SLC25A26: variants seen among roughly 807,000 people sequenced by gnomAD.
The protein encoded by SLC25A26 is mitochondrial S-adenosylmethionine carrier protein.
In SLC25A26, 36 loss-of-function variants were observed where a neutral mutation model predicts 37.8. That is an observed-to-expected ratio of 0.95 (90% confidence interval 0.73 to 1.26). The LOEUF is 1.26. Ranked by LOEUF, SLC25A26 falls within the 50% of genes most tolerant of loss-of-function variation. The probability of loss-of-function intolerance (pLI) is 0.00; values close to 1 mark genes in which losing one functional copy is unlikely to be tolerated. For missense variants in SLC25A26, 390 were observed against 331.1 expected, an observed-to-expected ratio of 1.18 and a Z score of -1.38; for synonymous variants, 129 against 122.5, an observed-to-expected ratio of 1.05 and a Z score of -0.35.
At chr3:66,182,725 G>T (rs779804111) in intron 1 of SLC25A26, among the ~76,000 whole-genome samples, 1,485 of 139,732 alleles carry the variant, frequency 0.011, 27 homozygotes, top group Non-Finnish European at 0.017. Context: ...GCGGGGGGGG[G>T]GGGTGGGGTA....
At chr3:66,281,381 A>G (rs2074331311) in intron 5 of SLC25A26, among the ~76,000 whole-genome samples, 1 of 152,222 alleles carries the variant, frequency 6.6e-6, no homozygotes, top group Non-Finnish European at 1.5e-5. Flanking sequence ...CCATTCCCCA[A>G]TAAATAGTTT....
At chr3:66,253,240 T>TAA (rs368393312) in intron 3 of SLC25A26, among the ~76,000 whole-genome samples, 1 of 143,126 alleles carries the variant, frequency 7.0e-6, no homozygotes, top group South Asian at 2.2e-4. Context: ...AGCTTGTCTC[T>TAA]AAAAAAAAAA....
intron 3 of SLC25A26, among the ~76,000 whole-genome samples, chr3:66,247,776 C>A (rs2072916127): frequency 6.6e-6 from 1 of 152,274 alleles, no homozygotes; most frequent in South Asian, 2.1e-4. Flanking sequence ...TGCTTATATA[C>A]ATATTACGCC....
In SLC25A26 at chr3:66,377,912, C is replaced by G; in HGVS notation, c.*105C>G. On this transcript the variant is annotated 3_prime_UTR_variant, in exon 10 of 10. Coordinates refer to ENST00000354883, the MANE Select transcript of SLC25A26 (RefSeq NM_001379210.1). ...AACTATAGGCCCCAGTGCTGAAGAC[C>G]AGTTGTGCTAAGATACCGGCATGGA... is the stretch of plus-strand genomic sequence containing the variant. 3.5e-6 allele frequency: 3 copies of G among 856,500 alleles called. No individual in the cohort carries two copies. Among genetic ancestry groups the G allele is most frequent in the South Asian group, 3.0e-5 (2 of 66,232 alleles). 53.1% of individuals were successfully genotyped at this position (856,500 alleles called of 1,614,324 possible).
At chr3:66,299,661 C>T (rs1250262057) in intron 5 of SLC25A26, among the ~76,000 whole-genome samples, 1 of 152,062 alleles carries the variant, frequency 6.6e-6, no homozygotes, top group Non-Finnish European at 1.5e-5. Flanking sequence ...GGTATGTGTG[C>T]ATGAGGTGTG....
At chr3:66,275,850 T>C (rs1375246753) in intron 5 of SLC25A26, among the ~76,000 whole-genome samples, 5 of 152,124 alleles carry the variant, frequency 3.3e-5, no homozygotes, top group East Asian at 1.9e-4. Flanking sequence ...ATAAAACTTA[T>C]GAAGAAGATC....
chr3:66,229,931 A>G (rs975331980), intron 1 of SLC25A26, among the ~76,000 whole-genome samples: 25 of 152,176 alleles, frequency 1.6e-4, no homozygotes, highest in Non-Finnish European at 2.8e-4. Context: ...ATTTCTGGAG[A>G]AGTCCCCCTG....
chr3:66,372,113 GTTC>G (rs1700378774), intron 9 of SLC25A26, among the ~76,000 whole-genome samples: 2 of 152,240 alleles, frequency 1.3e-5, no homozygotes, highest in Non-Finnish European at 2.9e-5. Flanking sequence ...CAACAAAAAA[GTTC>G]TTCTGTGTTT....
At chr3:66,243,494 C>T (rs2072684061) in intron 3 of SLC25A26, among the ~76,000 whole-genome samples, 182 bp downstream of exon 3, 1 of 151,902 alleles carries the variant, frequency 6.6e-6, no homozygotes, top group East Asian at 1.9e-4. Flanking sequence ...AAAGACAGAG[C>T]CTTATATAGG....
At chr3:66,259,131 G>GC (rs1488629506) in intron 3 of SLC25A26, among the ~76,000 whole-genome samples, 2 of 152,102 alleles carry the variant, frequency 1.3e-5, no homozygotes, top group African/African-American at 4.8e-5. Context: ...TAACTGGGAA[G>GC]CCCCCCACAC....
At chr3:66,245,367 A>C (rs574353135) in intron 3 of SLC25A26, among the ~76,000 whole-genome samples, 2 of 152,018 alleles carry the variant, frequency 1.3e-5, no homozygotes, top group African/African-American at 4.8e-5. Context: ...CTTCTGCACA[A>C]TGCTGAGGGA....
chr3:66,199,672 C>G (rs1268797279), intron 1 of SLC25A26, among the ~76,000 whole-genome samples: 1 of 152,074 alleles, frequency 6.6e-6, no homozygotes, highest in Non-Finnish European at 1.5e-5. Flanking sequence ...AAACCCTTCA[C>G]TGGCCTCAAC....
intron 1 of SLC25A26, among the ~76,000 whole-genome samples, chr3:66,152,910 C>T (rs1244378760): frequency 1.3e-5 from 2 of 152,182 alleles, no homozygotes; most frequent in South Asian, 2.1e-4. Flanking sequence ...CAACTCTGGC[C>T]GTTTAGAATT....
At chr3:66,155,259 C>T (rs1280048391) in intron 1 of SLC25A26, among the ~76,000 whole-genome samples, 2 of 152,142 alleles carry the variant, frequency 1.3e-5, no homozygotes, top group Non-Finnish European at 2.9e-5. Flanking sequence ...CCTGTAATCC[C>T]AATACTTTGG....
chr3:66,206,266 G>A (rs2106822767), intron 1 of SLC25A26, among the ~76,000 whole-genome samples: 1 of 152,262 alleles, frequency 6.6e-6, no homozygotes, highest in Admixed American at 6.5e-5. Flanking sequence ...CAGTGTATCT[G>A]CAACATCTAC....
intron 5 of SLC25A26, among the ~76,000 whole-genome samples, chr3:66,269,377 T>G (rs2107341355): frequency 6.6e-6 from 1 of 152,254 alleles, no homozygotes; most frequent in Non-Finnish European, 1.5e-5. Context: ...ATAATGAGAG[T>G]GTTATATCCA....
At chr3:66,332,647 A>G (rs1444484691) in intron 5 of SLC25A26, among the ~76,000 whole-genome samples, 1 of 152,048 alleles carries the variant, frequency 6.6e-6, no homozygotes, top group African/African-American at 2.4e-5. Flanking sequence ...CCTGAACTCA[A>G]GCCATCCGCC....
intron 1 of SLC25A26, among the ~76,000 whole-genome samples, chr3:66,179,194 T>C (rs911468043): frequency 6.6e-6 from 1 of 152,222 alleles, no homozygotes; most frequent in African/African-American, 2.4e-5. Context: ...TTTAAATGTT[T>C]TTAAATGAAA....
At chr3:66,356,230 G>A (rs1208503471) in intron 6 of SLC25A26, 1 of 372,644 alleles carries the variant, frequency 2.7e-6, no homozygotes, top group Non-Finnish European at 5.2e-6. Context: ...CTTGGTCTGG[G>A]GTTGGACTCC....
Sources: allele counts gnomAD v4.1 joint callset (sites outside exome capture counted in the v4.1 genomes callset), GRCh38; gene constraint gnomAD v4.1.1; transcripts MANE v1.5; gene names NCBI Gene and HGNC (gene_info 2026-07-23, HGNC 2026-07-21).